Variants in HEG1 observed in about 807,000 individuals in gnomAD.
HEG1 encodes the protein protein HEG homolog 1.
In HEG1, 56 loss-of-function variants were observed where a neutral mutation model predicts 125.6. The ratio of observed to expected loss-of-function variants is 0.45; its 90% CI spans 0.36 to 0.56. The LOEUF is 0.56. Among genes scored for constraint, HEG1 ranks in the 20% least tolerant of loss-of-function variants. HEG1 has a pLI of 0.00. For missense variants in HEG1, 1,523 were observed against 1,670.0 expected (o/e 0.91, Z 1.53); for synonymous variants, 644 against 668.5 (o/e 0.96, Z 0.57).
At chr3:124,991,193 A>G (rs908813786) in intron 12 of HEG1, among the ~76,000 whole-genome samples, 1 of 148,110 alleles carries the variant, frequency 6.8e-6, no homozygotes, top group Non-Finnish European at 1.5e-5. Context: ...TCTGTCACCC[A>G]GGCTGGAGTG....
chr3:124,971,854 ACACTGTT>A (rs1936430597), intron 16 of HEG1: 1 of 150,758 alleles, frequency 6.6e-6, no homozygotes, highest in African/African-American at 2.5e-5. Context: ...AATGGCACAA[ACACTGTT>A]CACTGTAACC....
At chr3:125,000,045 C>T (rs190450749) in intron 11 of HEG1, among the ~76,000 whole-genome samples, 2 of 152,304 alleles carry the variant, frequency 1.3e-5, no homozygotes, top group East Asian at 3.9e-4. Flanking sequence ...CTCTCTAGTA[C>T]TCAGAAAGGT....
chr3:125,036,098 T>C (rs1373262058), intron 1 of HEG1, among the ~76,000 whole-genome samples: 3 of 149,108 alleles, frequency 2.0e-5, no homozygotes, highest in Non-Finnish European at 4.4e-5. Flanking sequence ...TAGTTGCAGC[T>C]ACTTGGGAGG....
chr3:124,970,514 C>A lies in HEG1; in HGVS notation c.*138G>T. Reference sequence around the variant, plus strand: ...CCTGTCTCCTCCACTGTGGTCACGCCCCGCATGCCTGTCCCTCTTCCTGCT... The same window carrying A: ...CCTGTCTCCTCCACTGTGGTCACGCACCGCATGCCTGTCCCTCTTCCTGCT... On this transcript the variant is annotated 3_prime_UTR_variant, in exon 17 of 17. Coordinates refer to ENST00000311127, the MANE Select transcript of HEG1 (RefSeq NM_020733.2). 1 of 690,000 alleles carries A rather than the reference C, an allele frequency of 1.4e-6. No homozygotes were observed. The highest frequency in any genetic ancestry group is 4.0e-4 in the Middle Eastern group (1 of 2,482). 42.7% of individuals were successfully genotyped at this position (690,000 alleles called of 1,614,324 possible). A position where few individuals can be genotyped will look rare whatever the true frequency, so the allele number is the denominator to read the frequency against.
chr3:125,017,163 T>C (rs1478601634), intron 5 of HEG1, among the ~76,000 whole-genome samples: 1 of 152,134 alleles, frequency 6.6e-6, no homozygotes, highest in African/African-American at 2.4e-5. Context: ...CAAGTGATTC[T>C]CCTGCCTCAG....
chr3:125,053,583 C>G (rs1937863909), intron 1 of HEG1, among the ~76,000 whole-genome samples: 1 of 152,176 alleles, frequency 6.6e-6, no homozygotes, highest in Non-Finnish European at 1.5e-5. Context: ...CACCAGGAGA[C>G]CAAGAGAACC....
intron 5 of HEG1, among the ~76,000 whole-genome samples, chr3:125,017,643 C>T (rs372932842): frequency 6.6e-6 from 1 of 152,062 alleles, no homozygotes; most frequent in Admixed American, 6.6e-5. Context: ...AATGATGCAG[C>T]CACTTTGGAA....
chr3:124,985,410 TA>T, intron 14 of HEG1, among the ~76,000 whole-genome samples: 1 of 152,252 alleles, frequency 6.6e-6, no homozygotes, highest in African/African-American at 2.4e-5. Flanking sequence ...GAATTTATTT[TA>T]AAAATAGAAA....
chr3:124,986,021 T>C (rs1936732618), intron 14 of HEG1, among the ~76,000 whole-genome samples: 1 of 152,166 alleles, frequency 6.6e-6, no homozygotes, highest in Admixed American at 6.5e-5. Flanking sequence ...CAAGTGACTC[T>C]CCTGCCTCGG....
chr3:125,023,122 A>G (rs993105131), intron 3 of HEG1, among the ~76,000 whole-genome samples: 1 of 152,136 alleles, frequency 6.6e-6, no homozygotes, highest in Non-Finnish European at 1.5e-5. Flanking sequence ...TGAACCTGGG[A>G]GGTGGAGGTT....
intron 1 of HEG1, among the ~76,000 whole-genome samples, chr3:125,033,508 A>C (rs901756723): frequency 1.3e-5 from 2 of 152,214 alleles, no homozygotes; most frequent in Non-Finnish European, 2.9e-5. Context: ...TTCAAGTGAA[A>C]GAAAAAATAA....
chr3:124,972,919 GAGA>G (rs1936470710), intron 16 of HEG1, among the ~76,000 whole-genome samples: 3 of 152,140 alleles, frequency 2.0e-5, no homozygotes, highest in Non-Finnish European at 4.4e-5. Flanking sequence ...TTCTAAACCT[GAGA>G]AGTGCTTGTT....
At position 124,970,222 on chromosome 3, in the gene HEG1, A is replaced by G. The variant is rs568138018; in HGVS notation, c.*430T>C. 1 of 157,480 alleles carries G rather than the reference A, an allele frequency of 6.4e-6. No individual in the cohort carries two copies. The highest frequency in any genetic ancestry group is 1.4e-5 in the Non-Finnish European group (1 of 71,626). The allele number at this position is 157,480 out of a possible 1,614,324, so 9.8% of individuals were successfully genotyped here. A position where few individuals can be genotyped will look rare whatever the true frequency, so the allele number is the denominator to read the frequency against. On this transcript the variant is annotated 3_prime_UTR_variant, in exon 17 of 17. Transcript: ENST00000311127. ...CAAATGAATCACCAAATTGCTGCCT[A>G]TGGAAGTGTCTCGGGAAAGGAAGCC...
rs1435801196 is a variant in HEG1, at chr3:124,967,860, G to A, written c.*2792C>T. 1 of 152,198 alleles carries A rather than the reference G, an allele frequency of 6.6e-6. No individual in the cohort carries two copies. The highest frequency in any genetic ancestry group is 1.9e-4 in the East Asian group (1 of 5,184). The allele number at this position is 152,198 out of a possible 1,614,324, so 9.4% of individuals were successfully genotyped here. On this transcript the variant is annotated 3_prime_UTR_variant, in exon 17 of 17. Coordinates refer to ENST00000311127, the MANE Select transcript of HEG1 (RefSeq NM_020733.2). ...CTCCAGGGCCTTAGGCTGGCTCAAG[G>A]GGCAGAGGAAAAGACAATGGCAATA...
chr3:125,000,761 A>G (rs1014831697), intron 11 of HEG1, among the ~76,000 whole-genome samples: 2 of 152,174 alleles, frequency 1.3e-5, no homozygotes, highest in African/African-American at 4.8e-5. Context: ...GCCCACTGGG[A>G]ATGTCAATGT....
intron 3 of HEG1, among the ~76,000 whole-genome samples, chr3:125,024,663 A>G (rs1040938537): frequency 6.6e-5 from 10 of 152,206 alleles, no homozygotes; most frequent in African/African-American, 2.2e-4. Context: ...TAAGGCATAC[A>G]ATTTGGTTTT....
intron 1 of HEG1, among the ~76,000 whole-genome samples, chr3:125,037,615 C>T (rs546485580): frequency 6.6e-6 from 1 of 152,370 alleles, no homozygotes; most frequent in African/African-American, 2.4e-5. Flanking sequence ...ACACCAAATA[C>T]ACCCTTGGTT....
rs181022733 is a variant in HEG1, at chr3:124,997,823, G to T, written c.3518C>A (p.Ala1173Glu). 1.7e-5 allele frequency: 26 copies of T among 1,563,754 alleles called. No individual in the cohort carries two copies. In the East Asian group the frequency reaches 6.0e-4, roughly 36 times the overall value. The change falls in exon 12 of 17, where the codon GCG becomes GAG. Residue 1173 changes from alanine (A) to glutamate (E), a missense_variant and splice_region_variant. By Grantham distance (107) the Ala-to-Glu change is moderately radical. Coordinates refer to ENST00000311127, the MANE Select transcript of HEG1 (RefSeq NM_020733.2). ...LLGSQRRIFR[A>E]GSLCKRKSPE... ...ACTCTTCCGCTTGCACAAGCTGCCC[G>T]CTGGAATGGAAAAACAAGACAGTGA...
chr3:125,019,392 G>T lies in HEG1; in HGVS notation c.1458C>A (p.Thr486=). Residue 486 remains threonine, a synonymous_variant, in exon 5 of 17, where the codon ACC becomes ACA. Transcript: ENST00000311127. ...YPEGVNASVL[T]QFSDSTVQSG... Reference sequence around the variant, plus strand: ...ACTGTACAGTAGAGTCTGAGAACTGGGTCAACACTGAAGCATTCACACCTT... The same window carrying T: ...ACTGTACAGTAGAGTCTGAGAACTGTGTCAACACTGAAGCATTCACACCTT... 5.0e-6 allele frequency: 8 copies of T among 1,613,968 alleles called. No homozygotes were observed. The highest frequency in any genetic ancestry group is 6.8e-6 in the Non-Finnish European group (8 of 1,179,864).
Sources: allele counts gnomAD v4.1 joint callset (sites outside exome capture counted in the v4.1 genomes callset), GRCh38; gene constraint gnomAD v4.1.1; transcripts MANE v1.5; gene names NCBI Gene and HGNC (gene_info 2026-07-23, HGNC 2026-07-21).